ADAMTS12: variants seen among roughly 807,000 people sequenced by gnomAD.
ADAMTS12 encodes ADAM metallopeptidase with thrombospondin type 1 motif 12.
In ADAMTS12, 118 loss-of-function variants were observed where a neutral mutation model predicts 167.8. That is an observed-to-expected ratio of 0.70 (90% CI 0.61 to 0.82). The LOEUF is 0.82. ADAMTS12 is among the 40% of genes least tolerant of loss of function. The probability of loss-of-function intolerance (pLI) is 0.00; values close to 1 mark genes in which losing one functional copy is unlikely to be tolerated. For missense variants in ADAMTS12, 1,916 were observed against 1,998.8 expected (o/e 0.96, Z 0.79); for synonymous variants, 704 against 716.9 (o/e 0.98, Z 0.29).
At chr5:33,541,423 C>A (rs1319129285) in intron 22 of ADAMTS12, among the ~76,000 whole-genome samples, 2 of 152,146 alleles carry the variant, frequency 1.3e-5, no homozygotes, top group African/African-American at 4.8e-5. Context: ...AGATATTATC[C>A]AGGAAAACTT....
intron 2 of ADAMTS12, among the ~76,000 whole-genome samples, chr5:33,755,674 A>C (rs1016762069): frequency 6.6e-6 from 1 of 152,236 alleles, no homozygotes; most frequent in African/African-American, 2.4e-5. Context: ...GAGTACCACA[A>C]GTAAAGCCTG....
chr5:33,574,917 A>G (rs1321159921), intron 19 of ADAMTS12, among the ~76,000 whole-genome samples: 2 of 152,310 alleles, frequency 1.3e-5, no homozygotes, highest in East Asian at 3.9e-4. Context: ...TGAACATGTG[A>G]TTACTTTGCT....
intron 22 of ADAMTS12, among the ~76,000 whole-genome samples, chr5:33,537,518 GC>G (rs1464051553): frequency 1.3e-5 from 2 of 152,190 alleles, no homozygotes; most frequent in African/African-American, 4.8e-5. Context: ...GTGCATCTTG[GC>G]TCTGATTTCT....
intron 5 of ADAMTS12, among the ~76,000 whole-genome samples, chr5:33,680,188 G>C (rs1211313493): frequency 1.3e-5 from 2 of 152,198 alleles, no homozygotes; most frequent in Non-Finnish European, 2.9e-5. Flanking sequence ...AGTCATGTGT[G>C]TCTCTTTACA....
At chr5:33,855,361 T>C (rs1434404341) in intron 2 of ADAMTS12, among the ~76,000 whole-genome samples, 2 of 152,218 alleles carry the variant, frequency 1.3e-5, no homozygotes, top group East Asian at 3.8e-4. Context: ...AATTAGAATC[T>C]AAGGAAGTTT....
chr5:33,658,406 G>A (rs1352599015), intron 6 of ADAMTS12, 73 bp from the exon 7 acceptor site: 8 of 1,568,432 alleles, frequency 5.1e-6, no homozygotes, highest in Non-Finnish European at 7.0e-6. Context: ...AAAAATCTGG[G>A]TATAAACTCA....
intron 2 of ADAMTS12, among the ~76,000 whole-genome samples, chr5:33,771,919 C>G (rs1181682001): frequency 6.6e-6 from 1 of 151,836 alleles, no homozygotes; most frequent in Non-Finnish European, 1.5e-5. Flanking sequence ...TCAAACAATC[C>G]TCTGGGATTA....
At chr5:33,793,319 C>T (rs1422780471) in intron 2 of ADAMTS12, among the ~76,000 whole-genome samples, 4 of 152,124 alleles carry the variant, frequency 2.6e-5, no homozygotes, top group Non-Finnish European at 5.9e-5. Flanking sequence ...TCAGACCCCC[C>T]AACAAAATGA....
At chr5:33,692,375 C>CTGAT (rs1742583463) in intron 3 of ADAMTS12, among the ~76,000 whole-genome samples, 1 of 152,128 alleles carries the variant, frequency 6.6e-6, no homozygotes, top group Non-Finnish European at 1.5e-5. Flanking sequence ...GCCTGGGTTC[C>CTGAT]TGATTGTGGA....
intron 22 of ADAMTS12, among the ~76,000 whole-genome samples, chr5:33,539,669 T>C (rs966282886): frequency 1.6e-4 from 24 of 152,238 alleles, no homozygotes; most frequent in African/African-American, 5.1e-4. Flanking sequence ...AAAACCGAAG[T>C]ATCCAGAAAC....
chr5:33,629,207 G>A (rs993861492), intron 13 of ADAMTS12, among the ~76,000 whole-genome samples: 1 of 152,134 alleles, frequency 6.6e-6, no homozygotes, highest in African/African-American at 2.4e-5. Flanking sequence ...TTTGCATTGA[G>A]AGAAATAGCA....
intron 3 of ADAMTS12, among the ~76,000 whole-genome samples, chr5:33,697,401 C>T (rs377187585): frequency 3.9e-5 from 6 of 152,260 alleles, no homozygotes; most frequent in Admixed American, 6.5e-5. Context: ...GTTTGTTTCC[C>T]GTTGCCATGC....
intron 11 of ADAMTS12, among the ~76,000 whole-genome samples, chr5:33,638,589 G>A (rs1371054535): frequency 2.0e-5 from 3 of 152,016 alleles, no homozygotes; most frequent in East Asian, 3.9e-4. Context: ...CCTCCTTCAC[G>A]AATCCTTCCT....
At chr5:33,602,606 C>T (rs1271803044) in intron 16 of ADAMTS12, among the ~76,000 whole-genome samples, 1 of 152,184 alleles carries the variant, frequency 6.6e-6, no homozygotes, top group Admixed American at 6.5e-5. Context: ...GTATCTGACT[C>T]TGAGTTTCCA....
chr5:33,883,327 GTTTTT>G (rs79064946), intron 1 of ADAMTS12, among the ~76,000 whole-genome samples: 9 of 111,606 alleles, frequency 8.1e-5, no homozygotes, highest in African/African-American at 2.0e-4. Flanking sequence ...TTTTTTTTTT[GTTTTT>G]TTTTTTTTTG....
At chr5:33,845,180 T>C (rs1748898503) in intron 2 of ADAMTS12, among the ~76,000 whole-genome samples, 1 of 152,204 alleles carries the variant, frequency 6.6e-6, no homozygotes, top group Admixed American at 6.5e-5. Flanking sequence ...TCTACCTCTG[T>C]CCATTGAGAG....
intron 22 of ADAMTS12, among the ~76,000 whole-genome samples, chr5:33,541,543 A>G (rs941579289): frequency 1.3e-5 from 2 of 152,214 alleles, no homozygotes; most frequent in African/African-American, 4.8e-5. Flanking sequence ...CAGATTCACC[A>G]AGGCTGAAAT....
At chr5:33,778,052 T>C (rs1299526461) in intron 2 of ADAMTS12, among the ~76,000 whole-genome samples, 2 of 152,146 alleles carry the variant, frequency 1.3e-5, no homozygotes, top group Non-Finnish European at 2.9e-5. Context: ...AGATATCTCA[T>C]GTTCATCAGT....
chr5:33,577,176 A>T lies in ADAMTS12; in HGVS notation c.2866-16T>A. On this transcript the variant is annotated splice_polypyrimidine_tract_variant and intron_variant, in intron 18 of 23. Transcript: ENST00000504830. ...AAACAGAACACTAGAAGAGAGAAAC[A>T]GCTGTTAGCCTGGCGAGAGAAGATG... is the stretch of plus-strand genomic sequence containing the variant. 2 of 1,614,028 alleles carry T rather than the reference A, an allele frequency of 1.2e-6. No homozygotes were observed. Among genetic ancestry groups the T allele is most frequent in the African/African-American group, 1.3e-5 (1 of 75,050 alleles).
Sources: gnomAD v4.1 joint callset for allele counts (sites outside exome capture counted in the v4.1 genomes callset) on GRCh38, gnomAD v4.1.1 for gene constraint, MANE v1.5 for transcripts, NCBI Gene and HGNC (gene_info 2026-07-23, HGNC 2026-07-21) for gene names.